The following AR variants were observed in gnomAD, a reference collection of about 807,000 sequenced individuals.
AR encodes androgen receptor, also known as dihydrotestosterone receptor.
A neutral mutation model predicts 53.9 loss-of-function variants in AR; 8 were observed. The observed-to-expected ratio is 0.15, with a 90% CI of 0.09 to 0.27. The LOEUF is 0.27. AR is among the 10% of genes least tolerant of loss of function. AR has a pLI of 1.00. For synonymous variants in AR, 359 were observed against 316.4 expected, an observed-to-expected ratio of 1.13 and a Z score of -1.43; for missense variants, 639 against 742.5, an observed-to-expected ratio of 0.86 and a Z score of 1.62.
At chrX:67,626,323 C>G (rs906673991) in intron 1 of AR, among the ~76,000 whole-genome samples, 1 of 108,901 alleles carries the variant, frequency 9.2e-6, no homozygotes, top group African/African-American at 3.3e-5. Flanking sequence ...TTAGCTCCCA[C>G]AAATTAGCTC....
chrX:67,588,017 C>T (rs1228345962), intron 1 of AR, among the ~76,000 whole-genome samples: 1 of 111,497 alleles, frequency 9.0e-6, no homozygotes, highest in Non-Finnish European at 1.9e-5. Context: ...TCTTCCAAGG[C>T]CCCCTGTGTT....
chrX:67,650,234 A>G (rs950236510), intron 2 of AR, among the ~76,000 whole-genome samples: 4 of 112,370 alleles, frequency 3.6e-5, no homozygotes, highest in African/African-American at 6.5e-5. Context: ...GGAACCAAAA[A>G]GAGCCCATAT....
At chrX:67,689,171 C>T (rs998486444) in intron 3 of AR, among the ~76,000 whole-genome samples, 1 of 111,498 alleles carries the variant, frequency 9.0e-6, no homozygotes, top group African/African-American at 3.3e-5. Flanking sequence ...AAAAGCCACA[C>T]AGAAAGGATT....
At chrX:67,639,854 T>C (rs1305191094) in intron 1 of AR, among the ~76,000 whole-genome samples, 2 of 111,617 alleles carry the variant, frequency 1.8e-5, no homozygotes, top group Non-Finnish European at 3.8e-5. Flanking sequence ...TCCAATACTA[T>C]GTTGAATAGG....
intron 2 of AR, among the ~76,000 whole-genome samples, chrX:67,659,577 A>G (rs1858803665): frequency 9.0e-6 from 1 of 111,712 alleles, no homozygotes; most frequent in Non-Finnish European, 1.9e-5. Flanking sequence ...GTAGTATTCC[A>G]TGGTATATAT....
intron 1 of AR, among the ~76,000 whole-genome samples, chrX:67,587,362 T>C (rs1273020801): frequency 8.9e-6 from 1 of 112,753 alleles, no homozygotes; most frequent in Non-Finnish European, 1.9e-5. Context: ...CCATATGCTT[T>C]CCAGGGCGAA....
intron 2 of AR, among the ~76,000 whole-genome samples, chrX:67,656,199 C>T (rs1464220275): frequency 1.8e-5 from 2 of 111,557 alleles, no homozygotes; most frequent in Non-Finnish European, 1.9e-5. Flanking sequence ...AGTTTTCACT[C>T]ATTTATTTTT....
At position 67,686,030 on chromosome X, in the gene AR, G is replaced by A. The variant is rs137852569; in HGVS notation, c.1789G>A (p.Ala597Thr). ...AAEGKQKYLC[A>T]SRNDCTIDKF... ...CCCAGGGAAACAGAAGTACCTGTGC[G>A]CCAGCAGAAATGATTGCACTATTGA... Residue 597 changes from alanine to threonine, a missense_variant, in exon 3 of 8, where the codon GCC becomes ACC. By Grantham distance (58) the Ala-to-Thr change is moderately conservative. Around this residue, in one of 5 missense-constraint regions of AR, gnomAD observed 19 missense variants for 48.3 expected, o/e 0.39. Coordinates refer to ENST00000374690, the MANE Select transcript of AR (RefSeq NM_000044.6). 8.3e-7 allele frequency: 1 copy of A among 1,208,126 alleles called. No homozygotes were observed. The highest frequency in any genetic ancestry group is 1.1e-6 in the Non-Finnish European group (1 of 893,514).
chrX:67,729,770 C>T lies in AR; in HGVS notation c.*5929C>T, dbSNP rs1477762689. On this transcript the variant is annotated 3_prime_UTR_variant, in exon 8 of 8. Coordinates refer to ENST00000374690, the MANE Select transcript of AR (RefSeq NM_000044.6). ...TCCATACACCAAAGGAAAGACAATT[C>T]TGAAATGCTGTTTCTCTGGTGGTTC... 1 of 174,048 alleles carries T rather than the reference C, an allele frequency of 5.7e-6. No individual in the cohort carries two copies. Among genetic ancestry groups the T allele is most frequent in the Non-Finnish European group, 1.1e-5 (1 of 90,746 alleles). The allele number at this position is 174,048 out of a possible 1,213,427, so 14.3% of individuals were successfully genotyped here. A position where few individuals can be genotyped will look rare whatever the true frequency, so the allele number is the denominator to read the frequency against.
chrX:67,636,557 A>G (rs749621121), intron 1 of AR, among the ~76,000 whole-genome samples: 32 of 112,031 alleles, frequency 2.9e-4, no homozygotes, highest in African/African-American at 9.4e-4. Flanking sequence ...TTCTCCTGTC[A>G]GTTAATGTTT....
At chrX:67,603,072 A>C (rs1386742017) in intron 1 of AR, among the ~76,000 whole-genome samples, 1 of 111,634 alleles carries the variant, frequency 9.0e-6, no homozygotes, top group Non-Finnish European at 1.9e-5. Flanking sequence ...TCCCAGGCCT[A>C]TACAAATCCT....
intron 1 of AR, among the ~76,000 whole-genome samples, chrX:67,582,744 T>C (rs147653989): frequency 0.012 from 1,308 of 111,633 alleles, 6 homozygotes; most frequent in Non-Finnish European, 0.019. Flanking sequence ...ATCTGTATTT[T>C]TAAAATTCAC....
intron 1 of AR, among the ~76,000 whole-genome samples, chrX:67,625,736 G>T (rs762890687): frequency 3.6e-5 from 4 of 111,108 alleles, no homozygotes; most frequent in Non-Finnish European, 5.7e-5. Context: ...CTTCAAACCT[G>T]CAAAAAAAAT....
chrX:67,672,308 A>T (rs112357712), intron 2 of AR, among the ~76,000 whole-genome samples: 7,474 of 110,699 alleles, frequency 0.068, 637 homozygotes, highest in African/African-American at 0.23. Context: ...CCAGTCTATA[A>T]CTTTTGCTTG....
intron 2 of AR, among the ~76,000 whole-genome samples, chrX:67,657,382 T>TGCC (rs1285498452): frequency 9.0e-6 from 1 of 111,054 alleles, no homozygotes; most frequent in African/African-American, 3.3e-5. Context: ...CTCACTCAAA[T>TGCC]GCCTCCTCCT....
At chrX:67,628,428 GCTCT>G (rs1924829335) in intron 1 of AR, among the ~76,000 whole-genome samples, 1 of 104,621 alleles carries the variant, frequency 9.6e-6, no homozygotes, top group Non-Finnish European at 2.0e-5. Flanking sequence ...TCATGATTTG[GCTCT>G]CTGTTTGTCT....
intron 2 of AR, among the ~76,000 whole-genome samples, chrX:67,644,863 A>G (rs1382736077): frequency 9.0e-6 from 1 of 111,529 alleles, no homozygotes; most frequent in African/African-American, 3.3e-5. Context: ...CCTAATGTCT[A>G]GGTCTAGGCA....
intron 1 of AR, among the ~76,000 whole-genome samples, chrX:67,598,048 G>A (rs1923162096): frequency 1.8e-5 from 2 of 111,287 alleles, no homozygotes; most frequent in African/African-American, 3.3e-5. Flanking sequence ...GTGAGCCTCA[G>A]GTTATTCATC....
intron 4 of AR, among the ~76,000 whole-genome samples, chrX:67,715,722 T>G (rs759349882): frequency 8.9e-6 from 1 of 112,331 alleles, no homozygotes; most frequent in African/African-American, 3.2e-5. Flanking sequence ...TCATGTTCCT[T>G]GTTGGTAAAA....
Sources: allele counts gnomAD v4.1 joint callset (sites outside exome capture counted in the v4.1 genomes callset), GRCh38; gene constraint gnomAD v4.1.1; regional missense constraint gnomAD v4.1.1; transcripts MANE v1.5; gene names NCBI Gene and HGNC (gene_info 2026-07-23, HGNC 2026-07-21).